The following PRMT8 variants were observed in gnomAD, a reference collection of about 807,000 sequenced individuals.
PRMT8 encodes protein arginine methyltransferase 8.
Under a neutral mutation model 47.1 loss-of-function variants are expected in PRMT8, and 7 were observed. The ratio of observed to expected loss-of-function variants is 0.15; its 90% CI spans 0.08 to 0.28. PRMT8 has a LOEUF of 0.28. PRMT8 is among the 10% of genes least tolerant of loss of function. The probability of loss-of-function intolerance (pLI) is 1.00; values close to 1 mark genes in which losing one functional copy is unlikely to be tolerated. For missense variants in PRMT8, 237 were observed against 505.4 expected (o/e 0.47, Z 5.09); for synonymous variants, 188 against 186.5 (o/e 1.01, Z -0.07).
At position 3,453,097 on chromosome 12, in the gene PRMT8, C is replaced by G. The variant is rs574239881; in HGVS notation, c.48+71655C>G. On this transcript the variant is annotated intron_variant, in intron 1 of 9. Coordinates refer to the PRMT8 transcript ENST00000452611. The surrounding 1 kb of genome is among the most constrained non-coding windows in gnomAD (Gnocchi z 4.9). ...TGAAATGAGGGATGCACAGAGGACA[C>G]TGCACGGGGAATCAGGTAGGCTGGA... is the stretch of plus-strand genomic sequence containing the variant. Among the ~76,000 whole-genome samples, 3 of 152,292 alleles carry G rather than the reference C, an allele frequency of 2.0e-5. No individual in the cohort carries two copies. The East Asian group carries it at 5.8e-4, about 29-fold the overall frequency.
Position 3,535,485 on chromosome 12 carries a change from G to C in PRMT8, c.76-5121G>C, listed in dbSNP as rs558032381. On this transcript the variant is annotated intron_variant, in intron 1 of 9. Coordinates refer to ENST00000382622, the MANE Select transcript of PRMT8 (RefSeq NM_019854.5). The surrounding 1 kb of genome is among the most constrained non-coding windows in gnomAD (Gnocchi z 4.7). Reference sequence around the variant, plus strand: ...ATCAGGGAGGCAGACAACATCGGGAGACCTCCAGCAAGTAACAGGGCCCTG... The same window carrying C: ...ATCAGGGAGGCAGACAACATCGGGACACCTCCAGCAAGTAACAGGGCCCTG... Among the ~76,000 whole-genome samples, 1 of 152,180 alleles carries C rather than the reference G, an allele frequency of 6.6e-6. No individual in the cohort carries two copies. The highest frequency in any genetic ancestry group is 1.5e-5 in the Non-Finnish European group (1 of 68,036).
chr12:3,410,497 T>C (rs955458267), intron 1 of PRMT8, among the ~76,000 whole-genome samples: 23 of 152,114 alleles, frequency 1.5e-4, no homozygotes, highest in Non-Finnish European at 2.6e-4. Context: ...GTTGTTGTTG[T>C]TGGTTTTCTG....
chr12:3,381,944 T>C (rs1453000549), intron 1 of PRMT8, among the ~76,000 whole-genome samples: 2 of 152,218 alleles, frequency 1.3e-5, no homozygotes, highest in Non-Finnish European at 2.9e-5. Flanking sequence ...AATTTTGTCA[T>C]TTCAAGATAG....
At chr12:3,510,899 C>A (rs1865702577) in intron 1 of PRMT8, among the ~76,000 whole-genome samples, 1 of 152,192 alleles carries the variant, frequency 6.6e-6, no homozygotes, top group South Asian at 2.1e-4. Flanking sequence ...CACATTCACT[C>A]CAGTTCCTCG....
rs1325270429 is a variant in PRMT8 at position 3,453,678 on chromosome 12, T to C, written c.48+72236T>C. Among the ~76,000 whole-genome samples, 1 of 152,188 alleles carries C rather than the reference T, an allele frequency of 6.6e-6. No individual in the cohort carries two copies. The highest frequency in any genetic ancestry group is 1.5e-5 in the Non-Finnish European group (1 of 68,028). On this transcript the variant is annotated intron_variant, in intron 1 of 9. Coordinates refer to the PRMT8 transcript ENST00000452611. The surrounding 1 kb of genome is among the most constrained non-coding windows in gnomAD (Gnocchi z 4.9). ...TGCCCTTCACAGCCAGGGCAAATGC[T>C]GGGGCGCAGCCATGCTGGCTGTCTC...
chr12:3,587,378 A>G (rs929010239), intron 8 of PRMT8, among the ~76,000 whole-genome samples: 4 of 151,684 alleles, frequency 2.6e-5, no homozygotes, highest in Non-Finnish European at 4.4e-5. Flanking sequence ...ACATTAGTTA[A>G]TATTAAAAAT....
rs749605996 is a variant in PRMT8, at chr12:3,568,717, T to C, written c.493T>C (p.Phe165Leu). The C allele has an allele frequency of 1.2e-6, 2 of 1,614,098 alleles. No individual in the cohort carries two copies. The highest frequency in any genetic ancestry group is 3.3e-5 in the Admixed American group (2 of 60,018). ...TTCTTATTTTCCAGTCATCACCATA[T>C]TTAAGGGTAAAGTGGAAGAGGTGGA... is the stretch of plus-strand genomic sequence containing the variant. ...ANHLDNIITI[F>L]KGKVEEVELP... Residue 165 changes from phenylalanine to leucine, a missense_variant, in exon 5 of 10, where the codon TTT becomes CTT. Coordinates refer to ENST00000382622, the MANE Select transcript of PRMT8 (RefSeq NM_019854.5).
chr12:3,491,646 C>T lies in PRMT8; in HGVS notation c.21C>T (p.Ser7=). 6.2e-7 allele frequency: 1 copy of T among 1,613,082 alleles called. No homozygotes were observed. Among genetic ancestry groups the T allele is most frequent in the Non-Finnish European group, 8.5e-7 (1 of 1,179,878 alleles). ...CTCTTATGGGCATGAAACACTCCTC[C>T]CGCTGCCTGCTCCTGAGGAGGAAAA... MGMKHS[S]RCLLLRRKMA... The change falls in exon 1 of 10, where the codon TCC becomes TCT. Residue 7 remains serine (S), a synonymous_variant. Coordinates refer to ENST00000382622, the MANE Select transcript of PRMT8 (RefSeq NM_019854.5).
At chr12:3,582,495 C>A (rs918068623) in intron 7 of PRMT8, among the ~76,000 whole-genome samples, 1 of 152,182 alleles carries the variant, frequency 6.6e-6, no homozygotes, top group Non-Finnish European at 1.5e-5. Flanking sequence ...ATCCTTGATG[C>A]CTCCTATTGC....
At chr12:3,429,429 C>T (rs56305928) in intron 1 of PRMT8, among the ~76,000 whole-genome samples, 1,695 of 152,248 alleles carry the variant, frequency 0.011, 12 homozygotes, top group Non-Finnish European at 0.017. Context: ...CTGACCCATG[C>T]TTCCTTGAGA....
chr12:3,390,860 G>A (rs962371764), intron 1 of PRMT8, among the ~76,000 whole-genome samples: 2 of 152,152 alleles, frequency 1.3e-5, no homozygotes, highest in African/African-American at 4.8e-5. Flanking sequence ...CTGAGCCTCC[G>A]GAGCCTAGCA....
chr12:3,568,072 CA>C (rs148436679), intron 4 of PRMT8, among the ~76,000 whole-genome samples: 707 of 102,662 alleles, frequency 6.9e-3, no homozygotes, highest in South Asian at 0.014. Flanking sequence ...AACTCCGTCT[CA>C]AAAAAAAAAA....
At chr12:3,574,784 C>G (rs1866909043) in intron 6 of PRMT8, among the ~76,000 whole-genome samples, 1 of 152,226 alleles carries the variant, frequency 6.6e-6, no homozygotes, top group South Asian at 2.1e-4. Context: ...GATTTGAACT[C>G]CAAAGCCTAG....
At chr12:3,426,426 A>G (rs975175598) in intron 1 of PRMT8, among the ~76,000 whole-genome samples, 1 of 152,220 alleles carries the variant, frequency 6.6e-6, no homozygotes, top group Non-Finnish European at 1.5e-5. Flanking sequence ...TGGACCAACT[A>G]TGGCATAAAA....
At chr12:3,562,264 G>A (rs1384561357) in intron 4 of PRMT8, among the ~76,000 whole-genome samples, 2 of 152,174 alleles carry the variant, frequency 1.3e-5, no homozygotes, top group Non-Finnish European at 2.9e-5. Context: ...GCTGGCAACT[G>A]CTACTTCCTT....
intron 7 of PRMT8, among the ~76,000 whole-genome samples, chr12:3,577,472 A>G (rs1866969376): frequency 6.7e-6 from 1 of 148,956 alleles, no homozygotes; most frequent in Non-Finnish European, 1.5e-5. Flanking sequence ...GTCCCTGTTC[A>G]TGCTCTCGCC....
intron 1 of PRMT8, among the ~76,000 whole-genome samples, chr12:3,441,398 G>C (rs752163024): frequency 1.3e-5 from 2 of 152,152 alleles, no homozygotes; most frequent in African/African-American, 2.4e-5. Flanking sequence ...TTTCCTCAAC[G>C]CTGCCAGGGC....
chr12:3,431,885 C>T (rs959732557), intron 1 of PRMT8, among the ~76,000 whole-genome samples: 2 of 152,166 alleles, frequency 1.3e-5, no homozygotes, highest in Non-Finnish European at 2.9e-5. Flanking sequence ...GCATATTTAC[C>T]TACTGGGAGG....
intron 1 of PRMT8, among the ~76,000 whole-genome samples, chr12:3,407,028 C>G (rs1027385358): frequency 2.5e-4 from 38 of 152,232 alleles, no homozygotes; most frequent in African/African-American, 8.9e-4. Context: ...AATTAACTCA[C>G]AGTTCAGCAT....
Sources: gnomAD v4.1 joint callset for allele counts (sites outside exome capture counted in the v4.1 genomes callset) on GRCh38, gnomAD v4.1.1 for gene constraint, Gnocchi (gnomAD v3.1) non-coding constraint, MANE v1.5 for transcripts, NCBI Gene and HGNC (gene_info 2026-07-23, HGNC 2026-07-21) for gene names.